The following CHI3L1 variants were observed in gnomAD, a reference collection of about 807,000 sequenced individuals.
CHI3L1 encodes chitinase 3 like 1.
A neutral mutation model predicts 40.7 loss-of-function variants in CHI3L1; 30 were observed. The ratio of observed to expected loss-of-function variants is 0.74; its 90% CI spans 0.55 to 1.00. The LOEUF is 1.00. Among genes scored for constraint, CHI3L1 ranks in the 50% least tolerant of loss-of-function variants. The pLI, the probability that CHI3L1 is intolerant of heterozygous loss-of-function variation, is 0.00. For synonymous variants in CHI3L1, 210 were observed against 192.1 expected, an observed-to-expected ratio of 1.09 and a Z score of -0.77; for missense variants, 493 against 492.2, an observed-to-expected ratio of 1.00 and a Z score of -0.01.
intron 7 of CHI3L1, 98 bp from the exon 8 acceptor site, chr1:203,180,750 TG>T: frequency 1.2e-6 from 1 of 848,880 alleles, no homozygotes; most frequent in Non-Finnish European, 1.8e-6. Flanking sequence ...TATTGGTGTA[TG>T]GTGCACTGGG....
rs1173804434 is a variant in CHI3L1, at chr1:203,179,796, C to A, written c.976G>T (p.Val326Leu). 6.2e-7 allele frequency: 1 copy of A among 1,614,086 alleles called. No homozygotes were observed. The highest frequency in any genetic ancestry group is 8.5e-7 in the Non-Finnish European group (1 of 1,180,034). The change falls in exon 9 of 10, where the codon GTA becomes TTA. Residue 326 changes from valine to leucine, a missense_variant. Coordinates refer to ENST00000255409, the MANE Select transcript of CHI3L1 (RefSeq NM_001276.4). ...VPYATKGNQW[V>L]GYDDQESVKS... Reference sequence around the variant, plus strand: ...ACGCTTTCCTGGTCGTCGTATCCTACCCACTGGTTGCCCTTGGTGGCATAG... The same window carrying A: ...ACGCTTTCCTGGTCGTCGTATCCTAACCACTGGTTGCCCTTGGTGGCATAG...
intron 4 of CHI3L1, among the ~76,000 whole-genome samples, chr1:203,184,105 T>C (rs1656004431): frequency 6.6e-6 from 1 of 152,162 alleles, no homozygotes; most frequent in Non-Finnish European, 1.5e-5. Flanking sequence ...CATGGGATCA[T>C]GGGGAGACAG....
At chr1:203,181,088 G>GA in intron 7 of CHI3L1, 74 bp downstream of exon 7, 8 of 1,575,680 alleles carry the variant, frequency 5.1e-6, no homozygotes, top group Non-Finnish European at 6.9e-6. Context: ...GGGCTAGAGA[G>GA]ATTGGTGTGT....
intron 3 of CHI3L1, 139 bp downstream of exon 3, chr1:203,185,045 C>G: frequency 1.5e-6 from 1 of 687,882 alleles, no homozygotes; most frequent in South Asian, 1.8e-5. Context: ...TCATCCCCTC[C>G]ACCCATTTAA....
intron 2 of CHI3L1, among the ~76,000 whole-genome samples, chr1:203,185,729 C>T (rs1452942617): frequency 1.3e-5 from 2 of 152,142 alleles, no homozygotes; most frequent in African/African-American, 2.4e-5. Context: ...GAAGCAGTGG[C>T]TTTGTGGGAG....
chr1:203,180,227 C>A, intron 8 of CHI3L1: 1 of 570,586 alleles, frequency 1.8e-6, no homozygotes, highest in Non-Finnish European at 3.1e-6. Flanking sequence ...GAAGGAAGAC[C>A]TCAGCCCCAT....
At chr1:203,184,473 T>C (rs1464357143) in intron 4 of CHI3L1, 103 bp downstream of exon 4, 1 of 939,742 alleles carries the variant, frequency 1.1e-6, no homozygotes, top group Non-Finnish European at 1.7e-6. Context: ...ACCTATCTAG[T>C]CTGGAGCCCC....
chr1:203,185,344 G>A lies in CHI3L1; in HGVS notation c.97C>T (p.Gln33Ter). ...KLVCYYTSWS[Q>*]YREGDGSCFP... Reference sequence around the variant, plus strand: ...CAGCTCCCATCGCCTTCCCGGTACTGGGACCAGCTGGTGTAGTAGCAGACC... The same window carrying A: ...CAGCTCCCATCGCCTTCCCGGTACTAGGACCAGCTGGTGTAGTAGCAGACC... The change falls in exon 3 of 10, where the codon CAG (glutamine) becomes TAG (stop). Residue 33 changes from glutamine (Q) to a stop codon, truncating the protein, a stop_gained. Transcript: ENST00000255409. LOFTEE classifies it high-confidence loss of function. 1 of 1,614,210 alleles carries A rather than the reference G, an allele frequency of 6.2e-7. No individual in the cohort carries two copies. Among genetic ancestry groups the A allele is most frequent in the Non-Finnish European group, 8.5e-7 (1 of 1,180,046 alleles).
Position 203,182,769 on chromosome 1 carries a change from G to A in CHI3L1, c.549C>T (p.Val183=). The change falls in exon 6 of 10, where the codon GTC becomes GTT. Residue 183 remains valine (V), a synonymous_variant. Coordinates refer to ENST00000255409, the MANE Select transcript of CHI3L1 (RefSeq NM_001276.4). The stretch of plus-strand genomic sequence containing the variant: ...CAATGTCATAGCTGCTGTCAATGGT[G>A]ACCTTCCCCGCAGACAGTGCTGCGC... ...LLSAALSAGK[V]TIDSSYDIAK... 1 of 1,614,174 alleles carries A rather than the reference G, an allele frequency of 6.2e-7. No individual in the cohort carries two copies. The highest frequency in any genetic ancestry group is 8.5e-7 in the Non-Finnish European group (1 of 1,180,026).
At chr1:203,181,469 A>C (rs963304494) in intron 6 of CHI3L1, 184 bp from the exon 7 acceptor site, 1 of 495,744 alleles carries the variant, frequency 2.0e-6, no homozygotes, top group African/African-American at 2.0e-5. Context: ...CTAACTACGA[A>C]AATTAGCCAG....
At chr1:203,186,568 C>T (rs776569782) in intron 1 of CHI3L1, 31 bp downstream of exon 1, 6 of 1,614,008 alleles carry the variant, frequency 3.7e-6, no homozygotes, top group Non-Finnish European at 5.1e-6. Flanking sequence ...ACCCACAACT[C>T]TGATGGATTA....
In CHI3L1 at chr1:203,179,378, C is replaced by T. The variant is rs1655876406; in HGVS notation, c.*67G>A. 1.4e-6 allele frequency: 2 copies of T among 1,435,290 alleles called. No homozygotes were observed. The highest frequency in any genetic ancestry group is 2.3e-5 in the East Asian group (1 of 43,496). The allele number at this position is 1,435,290 out of a possible 1,614,324, so 88.9% of individuals were successfully genotyped here. On this transcript the variant is annotated 3_prime_UTR_variant, in exon 10 of 10. Coordinates refer to ENST00000255409, the MANE Select transcript of CHI3L1 (RefSeq NM_001276.4). ...ACTCAGCAGGGCAGGTGATCAGGCT[C>T]CCGGCCAGCTGGAGCCAGAGGGGGA...
In CHI3L1 at chr1:203,179,277, C is replaced by T. The variant is rs1266550566; in HGVS notation, c.*168G>A. ...GCCCCATCCCTACCTCTCTGCCCAC[C>T]AGGGCTGAGCTCAAATCTGTGTGTT... is the stretch of plus-strand genomic sequence containing the variant. On this transcript the variant is annotated 3_prime_UTR_variant, in exon 10 of 10. Coordinates refer to ENST00000255409, the MANE Select transcript of CHI3L1 (RefSeq NM_001276.4). The T allele has an allele frequency of 5.2e-6, 3 of 576,472 alleles. No homozygotes were observed. The highest frequency in any genetic ancestry group is 3.5e-5 in the South Asian group (1 of 28,638). The allele number at this position is 576,472 out of a possible 1,614,324, so 35.7% of individuals were successfully genotyped here. A position where few individuals can be genotyped will look rare whatever the true frequency, so the allele number is the denominator to read the frequency against.
Position 203,185,282 on chromosome 1 carries a change from G to C in CHI3L1, c.159C>G (p.His53Gln). 6.2e-6 allele frequency: 10 copies of C among 1,614,202 alleles called. No individual in the cohort carries two copies. Among genetic ancestry groups the C allele is most frequent in the Non-Finnish European group, 8.5e-6 (10 of 1,179,998 alleles). Residue 53 changes from histidine to glutamine, a missense_variant, in exon 3 of 10, where the codon CAC becomes CAG. His to Gln is a conservative substitution (Grantham distance 24). Transcript: ENST00000255409. ...PDALDRFLCT[H>Q]IIYSFANISN... ...TTATATTGGCAAAGCTGTAGATGAT[G>C]TGGGTACAGAGGAAGCGGTCAAGGG...
chr1:203,183,262 C>T (rs555128986), intron 5 of CHI3L1, among the ~76,000 whole-genome samples: 2 of 152,292 alleles, frequency 1.3e-5, no homozygotes, highest in South Asian at 4.1e-4. Context: ...TCCTTCTGCC[C>T]CTGGTAACTG....
intron 7 of CHI3L1, 66 bp from the exon 8 acceptor site, chr1:203,180,718 A>C: frequency 8.2e-7 from 1 of 1,223,562 alleles, no homozygotes; most frequent in Non-Finnish European, 1.2e-6. Flanking sequence ...TGAGCAATTA[A>C]TACTGCTGCC....
At chr1:203,179,634 TG>T in intron 9 of CHI3L1, 49 bp from the exon 10 acceptor site, 1 of 1,613,446 alleles carries the variant, frequency 6.2e-7, no homozygotes, top group Non-Finnish European at 8.5e-7. Flanking sequence ...TGACCCAGAG[TG>T]TGTACAGGGC....
chr1:203,185,482 A>G (rs1656038435), intron 2 of CHI3L1, 97 bp from the exon 3 acceptor site: 1 of 1,035,258 alleles, frequency 9.7e-7, no homozygotes, highest in East Asian at 2.4e-5. Flanking sequence ...GGGGTTGGGT[A>G]GGGAGGAGTG....
chr1:203,184,311 G>A (rs1435006857), intron 4 of CHI3L1, among the ~76,000 whole-genome samples: 5 of 152,082 alleles, frequency 3.3e-5, no homozygotes, highest in South Asian at 2.1e-4. Context: ...CCATATTTTC[G>A]GGCCTGTGAG....
Sources: allele counts gnomAD v4.1 joint callset (sites outside exome capture counted in the v4.1 genomes callset), GRCh38; gene constraint gnomAD v4.1.1; transcripts MANE v1.5; gene names NCBI Gene and HGNC (gene_info 2026-07-23, HGNC 2026-07-21).